The following DMD variants were observed in gnomAD, a reference collection of about 807,000 sequenced individuals.
DMD encodes dystrophin.
DMD carries 63 observed loss-of-function variants against 330.1 expected under a neutral mutation model. That is an observed-to-expected ratio of 0.19 (90% CI 0.16 to 0.24). The LOEUF (loss-of-function observed/expected upper bound fraction) is 0.24, where lower values mean the gene tolerates loss of function less well. Ranked by LOEUF, DMD falls within the 10% of genes least tolerant of loss-of-function variation. The probability of loss-of-function intolerance (pLI) is 1.00; values close to 1 mark genes in which losing one functional copy is unlikely to be tolerated. For missense variants in DMD, 3,344 were observed against 2,684.1 expected (o/e 1.25, Z -5.43); for synonymous variants, 1,223 against 959.8 (o/e 1.27, Z -5.07).
chrX:32,289,748 G>T (rs2148469801), intron 42 of DMD, among the ~76,000 whole-genome samples: 1 of 111,394 alleles, frequency 9.0e-6, no homozygotes, highest in South Asian at 3.8e-4. Context: ...GCAATGTCAA[G>T]AAGTTACCCA....
chrX:31,633,849 T>C (rs932890783), intron 54 of DMD, among the ~76,000 whole-genome samples: 1 of 112,313 alleles, frequency 8.9e-6, no homozygotes, highest in African/African-American at 3.2e-5. Flanking sequence ...TGGTTTCATT[T>C]TAGGGCTGGA....
At chrX:32,538,224 G>A (rs964489913) in intron 17 of DMD, among the ~76,000 whole-genome samples, 1 of 112,116 alleles carries the variant, frequency 8.9e-6, no homozygotes, top group Non-Finnish European at 1.9e-5. Flanking sequence ...CGTCCAGATG[G>A]CCTGAAGCAA....
intron 60 of DMD, among the ~76,000 whole-genome samples, chrX:31,362,276 G>A (rs1029189612): frequency 1.3e-4 from 15 of 111,660 alleles, no homozygotes; most frequent in African/African-American, 3.6e-4. Context: ...CAAAGTAATC[G>A]GAAATGCTCC....
intron 13 of DMD, among the ~76,000 whole-genome samples, chrX:32,585,605 T>C (rs1601901598): frequency 4.1e-5 from 4 of 96,438 alleles, no homozygotes; most frequent in Non-Finnish European, 6.0e-5. Flanking sequence ...GAGTCTGAGG[T>C]AGGAGAATGG....
intron 74 of DMD, among the ~76,000 whole-genome samples, chrX:31,153,024 T>TATA (rs1330668825): frequency 1.8e-5 from 2 of 112,187 alleles, no homozygotes; most frequent in Non-Finnish European, 3.8e-5. Context: ...TTAAACTCAT[T>TATA]ATCTCTCTCT....
At position 31,658,046 on chromosome X, in the gene DMD, T is replaced by A; in HGVS notation, c.7971A>T (p.Arg2657Ser). Residue 2657 changes from arginine to serine, a missense_variant, in exon 54 of 79, where the codon AGA becomes AGT. By Grantham distance (110) the Arg-to-Ser change is moderately radical. Coordinates refer to ENST00000357033, the MANE Select transcript of DMD (RefSeq NM_004006.3). Reference sequence around the variant, plus strand: ...TATTCTCTGTTATCATGTGGACTTTTCTGGTATCATCTGCAGAATAATCCC... The same window carrying A: ...TATTCTCTGTTATCATGTGGACTTTACTGGTATCATCTGCAGAATAATCCC... ...LLRDYSADDT[R>S]KVHMITENIN... The A allele has an allele frequency of 8.3e-7, 1 of 1,210,841 alleles. No homozygotes were observed. The highest frequency in any genetic ancestry group is 1.1e-6 in the Non-Finnish European group (1 of 894,548).
intron 47 of DMD, among the ~76,000 whole-genome samples, chrX:31,892,648 A>C (rs2094273019): frequency 8.9e-6 from 1 of 111,736 alleles, no homozygotes; most frequent in African/African-American, 3.3e-5. Context: ...GATATAGCCT[A>C]ATGCTCCTGG....
chrX:32,662,828 T>G (rs1363228498), intron 9 of DMD, among the ~76,000 whole-genome samples: 6 of 111,849 alleles, frequency 5.4e-5, no homozygotes, highest in Non-Finnish European at 1.1e-4. Context: ...CATTTAGAGA[T>G]ATCACACAAA....
chrX:33,029,552 C>G (rs1353312139), intron 1 of DMD, among the ~76,000 whole-genome samples: 1 of 111,739 alleles, frequency 8.9e-6, no homozygotes, highest in Non-Finnish European at 1.9e-5. Flanking sequence ...GATTGGAAAG[C>G]CATGTCAGCT....
Position 32,168,511 on chromosome X carries a change from T to C in DMD, c.6438+48405A>G, listed in dbSNP as rs182468873. Among the ~76,000 whole-genome samples, 8 of 87,915 alleles carry C rather than the reference T, an allele frequency of 9.1e-5. No homozygotes were observed. In the East Asian group the frequency reaches 2.8e-3, roughly 31 times the overall value. The allele number at this position is 87,915 out of a possible 115,157, so 76.3% of individuals were successfully genotyped here. On this transcript the variant is annotated intron_variant, in intron 44 of 78. Coordinates refer to ENST00000357033, the MANE Select transcript of DMD (RefSeq NM_004006.3). Reference sequence around the variant, plus strand: ...TCTCTTTAAAAAAATTTGACTGGCATCAAATCAAGCTCTGACCAATGACAG... The same window carrying C: ...TCTCTTTAAAAAAATTTGACTGGCACCAAATCAAGCTCTGACCAATGACAG...
intron 60 of DMD, among the ~76,000 whole-genome samples, chrX:31,349,087 TAATA>T (rs1289376895): frequency 8.9e-6 from 1 of 112,534 alleles, no homozygotes; most frequent in African/African-American, 3.2e-5. Context: ...GATTAATAGA[TAATA>T]AATCATTGAG....
intron 2 of DMD, among the ~76,000 whole-genome samples, chrX:32,875,047 A>T (rs1010867797): frequency 1.8e-5 from 2 of 112,274 alleles, no homozygotes; most frequent in African/African-American, 6.5e-5. Flanking sequence ...ACAAAATCAG[A>T]TAAAAAGATA....
At chrX:31,679,961 A>C (rs2148736774) in intron 52 of DMD, among the ~76,000 whole-genome samples, 1 of 112,298 alleles carries the variant, frequency 8.9e-6, no homozygotes, top group South Asian at 3.7e-4. Context: ...CATTGCCTGA[A>C]GGCTTTCTGT....
intron 11 of DMD, among the ~76,000 whole-genome samples, chrX:32,631,617 C>T (rs1025481807): frequency 6.3e-5 from 7 of 111,473 alleles, no homozygotes; most frequent in African/African-American, 1.3e-4. Context: ...TCTGCGGAGG[C>T]CTCAGGAGAT....
intron 42 of DMD, 79 bp downstream of exon 42, chrX:32,310,003 T>C: frequency 2.1e-6 from 2 of 932,531 alleles, no homozygotes; most frequent in Non-Finnish European, 3.1e-6. Flanking sequence ...ATGCATACAA[T>C]TTAAGTCAAT....
At chrX:32,063,412 CT>C (rs2147703846) in intron 44 of DMD, among the ~76,000 whole-genome samples, 1 of 111,020 alleles carries the variant, frequency 9.0e-6, no homozygotes, top group African/African-American at 3.3e-5. Flanking sequence ...CTATAATGTT[CT>C]CGTTGCTAAG....
intron 63 of DMD, among the ~76,000 whole-genome samples, chrX:31,241,770 C>A (rs938684851): frequency 9.0e-6 from 1 of 111,327 alleles, no homozygotes. Flanking sequence ...ATAATCTCTC[C>A]CCTCTCTAAC....
intron 47 of DMD, among the ~76,000 whole-genome samples, chrX:31,916,464 T>C (rs781457431): frequency 3.5e-4 from 39 of 112,198 alleles, no homozygotes; most frequent in Non-Finnish European, 6.9e-4. Flanking sequence ...TGATTTTGAA[T>C]GAGTATCTAA....
At chrX:32,478,178 G>A (rs530796643) in intron 21 of DMD, among the ~76,000 whole-genome samples, 4 of 111,326 alleles carry the variant, frequency 3.6e-5, no homozygotes, top group African/African-American at 1.3e-4. Context: ...AATATTGACA[G>A]CATTTAAAAA....
Sources: gnomAD v4.1 joint callset for allele counts (sites outside exome capture counted in the v4.1 genomes callset) on GRCh38, gnomAD v4.1.1 for gene constraint, MANE v1.5 for transcripts, NCBI Gene and HGNC (gene_info 2026-07-23, HGNC 2026-07-21) for gene names.